Variants in MYO5B observed in about 807,000 individuals in gnomAD.
The protein encoded by MYO5B is myosin VB.
A neutral mutation model predicts 229.3 loss-of-function variants in MYO5B; 143 were observed. The ratio of observed to expected loss-of-function variants is 0.62; its 90% CI spans 0.54 to 0.72. The LOEUF (loss-of-function observed/expected upper bound fraction) is 0.72. Ranked by LOEUF, MYO5B falls within the 30% of genes least tolerant of loss-of-function variation. The pLI, the probability that MYO5B is intolerant of heterozygous loss-of-function variation, is 0.00. For synonymous variants in MYO5B, 918 were observed against 885.2 expected, an observed-to-expected ratio of 1.04 and a Z score of -0.66; for missense variants, 2,321 against 2,331.0, an observed-to-expected ratio of 1.00 and a Z score of 0.09.
intron 22 of MYO5B, among the ~76,000 whole-genome samples, chr18:49,880,924 T>C (rs2024579255): frequency 6.6e-6 from 1 of 152,232 alleles, no homozygotes; most frequent in South Asian, 2.1e-4. Context: ...TCCTTAAGGT[T>C]ATCTACTGGC....
chr18:50,112,142 G>A (rs1383325828), intron 1 of MYO5B, among the ~76,000 whole-genome samples: 1 of 152,232 alleles, frequency 6.6e-6, no homozygotes, highest in Non-Finnish European at 1.5e-5. Flanking sequence ...CTCTAAGGAA[G>A]TGGCAATGGA....
At chr18:50,136,759 T>C (rs1335008032) in intron 1 of MYO5B, among the ~76,000 whole-genome samples, 1 of 152,192 alleles carries the variant, frequency 6.6e-6, no homozygotes, top group Non-Finnish European at 1.5e-5. Flanking sequence ...TCTCAAATGT[T>C]ACTAAGAAGA....
intron 5 of MYO5B, among the ~76,000 whole-genome samples, chr18:49,995,039 T>A (rs921128246): frequency 6.6e-6 from 1 of 152,074 alleles, no homozygotes; most frequent in African/African-American, 2.4e-5. Context: ...GGTCACATGC[T>A]AGGAAGTGGC....
intron 12 of MYO5B, among the ~76,000 whole-genome samples, chr18:49,957,164 A>T (rs1386325245): frequency 6.6e-6 from 1 of 150,796 alleles, no homozygotes. Context: ...AAAAAAAAAA[A>T]AGCAGGCATG....
At chr18:49,977,411 C>T (rs2025763543) in intron 9 of MYO5B, among the ~76,000 whole-genome samples, 1 of 152,110 alleles carries the variant, frequency 6.6e-6, no homozygotes, top group Admixed American at 6.5e-5. Flanking sequence ...GAGCAGAAGG[C>T]ACACTGCGTA....
rs1568615028 is a variant in MYO5B at position 49,863,206 on chromosome 18, A to C, written c.3944+21T>G. On this transcript the variant is annotated intron_variant, in intron 29 of 39. Coordinates refer to ENST00000285039, the MANE Select transcript of MYO5B (RefSeq NM_001080467.3). ...CCTTCTCCGCGGCCTCGTCCAGCAC[A>C]TTTGACCGCGGCGGCCTTACCTGTT... is the stretch of plus-strand genomic sequence containing the variant. The C allele has an allele frequency of 2.5e-6, 4 of 1,603,094 alleles. No homozygotes were observed. The South Asian group carries it at 4.4e-5, about 18-fold the overall frequency.
intron 16 of MYO5B, among the ~76,000 whole-genome samples, chr18:49,930,447 T>C (rs2025176993): frequency 6.6e-6 from 1 of 152,210 alleles, no homozygotes; most frequent in African/African-American, 2.4e-5. Flanking sequence ...AGTATGGCAG[T>C]GTAGAATAAA....
At chr18:49,953,937 C>CTATATA (rs10641448) in intron 13 of MYO5B, among the ~76,000 whole-genome samples, 36,060 of 135,912 alleles carry the variant, frequency 0.27, 5,726 homozygotes, top group Middle Eastern at 0.36. Context: ...TGTGTGTAGA[C>CTATATA]TATATATATA....
At chr18:50,065,301 G>A (rs2030792363) in intron 1 of MYO5B, among the ~76,000 whole-genome samples, 1 of 152,198 alleles carries the variant, frequency 6.6e-6, no homozygotes, top group Admixed American at 6.5e-5. Context: ...GCACAGTGAA[G>A]AGGAGACATG....
intron 2 of MYO5B, among the ~76,000 whole-genome samples, chr18:50,043,923 T>C (rs937182593): frequency 1.3e-4 from 19 of 151,756 alleles, no homozygotes; most frequent in African/African-American, 3.4e-4. Flanking sequence ...AGACTACAAA[T>C]TGGGTTCAGT....
chr18:49,875,549 T>C, intron 26 of MYO5B, 138 bp downstream of exon 26: 2 of 1,169,722 alleles, frequency 1.7e-6, no homozygotes, highest in Non-Finnish European at 2.5e-6. Flanking sequence ...ATGACTCCAA[T>C]GCACTAAGTA....
chr18:50,014,572 C>A (rs1463178934), intron 4 of MYO5B, among the ~76,000 whole-genome samples: 1 of 152,162 alleles, frequency 6.6e-6, no homozygotes, highest in East Asian at 1.9e-4. Flanking sequence ...CGGCACCTAC[C>A]GCCCTATCTC....
rs543542098 is a variant in MYO5B, at chr18:49,856,815, G to A, written c.4020C>T (p.Ala1340=). 1.2e-6 allele frequency: 2 copies of A among 1,612,316 alleles called. No individual in the cohort carries two copies. Among genetic ancestry groups the A allele is most frequent in the South Asian group, 2.2e-5 (2 of 91,054 alleles). The stretch of plus-strand genomic sequence containing the variant: ...AGGAAGAAAGGAATATGTTCCACCT[G>A]GCAACTTGCTTTAGGCCTTGGTAGG... ...GLAYQGLKQV[A]RLLEAQLQAQ... Residue 1340 remains alanine, a splice_region_variant and synonymous_variant, in exon 30 of 40, where the codon GCC becomes GCT. Transcript: ENST00000285039.
intron 5 of MYO5B, among the ~76,000 whole-genome samples, chr18:49,997,940 C>T (rs1436934647): frequency 6.6e-6 from 1 of 152,150 alleles, no homozygotes; most frequent in Non-Finnish European, 1.5e-5. Flanking sequence ...CAGTAATCAG[C>T]TGTCTGTCCC....
intron 9 of MYO5B, among the ~76,000 whole-genome samples, chr18:49,978,228 C>A (rs191095079): frequency 1.1e-4 from 16 of 152,274 alleles, no homozygotes; most frequent in Non-Finnish European, 1.0e-4. Context: ...GATGTTCCCA[C>A]CCTCATACTA....
At chr18:50,087,951 C>T (rs1402750850) in intron 1 of MYO5B, among the ~76,000 whole-genome samples, 2 of 152,136 alleles carry the variant, frequency 1.3e-5, no homozygotes, top group Non-Finnish European at 2.9e-5. Context: ...GGTTGGGTAC[C>T]ACAGAAACTC....
intron 36 of MYO5B, among the ~76,000 whole-genome samples, chr18:49,838,809 A>G (rs1287198368): frequency 6.6e-6 from 1 of 152,220 alleles, no homozygotes; most frequent in Non-Finnish European, 1.5e-5. Context: ...AATCAAGTTC[A>G]TAATAGGTTA....
In MYO5B at chr18:49,880,352, C is replaced by G; in HGVS notation, c.3130+19G>C. The G allele has an allele frequency of 6.2e-7, 1 of 1,606,250 alleles. No homozygotes were observed. Among genetic ancestry groups the G allele is most frequent in the Non-Finnish European group, 8.5e-7 (1 of 1,172,846 alleles). On this transcript the variant is annotated intron_variant, in intron 23 of 39. Coordinates refer to ENST00000285039, the MANE Select transcript of MYO5B (RefSeq NM_001080467.3). ...AGAGATTAAAACCCCAAATAAAACT[C>G]AAGTGCTTTGGTACTTACCTTTAGA...
At chr18:49,856,755 T>C (rs373858539) in intron 30 of MYO5B, 58 bp downstream of exon 30, 8 of 1,424,146 alleles carry the variant, frequency 5.6e-6, no homozygotes, top group South Asian at 3.4e-5. Flanking sequence ...CGGTTAAGCA[T>C]AGACATGAGC....
Sources: allele counts gnomAD v4.1 joint callset (sites outside exome capture counted in the v4.1 genomes callset), GRCh38; gene constraint gnomAD v4.1.1; transcripts MANE v1.5; gene names NCBI Gene and HGNC (gene_info 2026-07-23, HGNC 2026-07-21).